KCTD8: variants seen among roughly 807,000 people sequenced by gnomAD.
KCTD8 encodes the protein BTB/POZ domain-containing protein KCTD8.
In KCTD8, 27 loss-of-function variants were observed where a neutral mutation model predicts 31.5. The ratio of observed to expected loss-of-function variants is 0.86; its 90% CI spans 0.63 to 1.18. KCTD8 has a LOEUF of 1.18. Ranked by LOEUF, KCTD8 falls within the 50% of genes most tolerant of loss-of-function variation. KCTD8 has a pLI of 0.00. For synonymous variants in KCTD8, 290 were observed against 280.0 expected (o/e 1.04, Z -0.36); for missense variants, 658 against 647.7 (o/e 1.02, Z -0.17).
At chr4:44,266,903 A>C in intron 1 of KCTD8, among the ~76,000 whole-genome samples, 1 of 151,650 alleles carries the variant, frequency 6.6e-6, no homozygotes, top group African/African-American at 2.4e-5. Context: ...GCAAGTCCTG[A>C]GTGACCTACA....
At chr4:44,336,777 T>G (rs1201457616) in intron 1 of KCTD8, among the ~76,000 whole-genome samples, 2 of 152,062 alleles carry the variant, frequency 1.3e-5, no homozygotes, top group South Asian at 2.1e-4. Flanking sequence ...AAACAATAAA[T>G]GTATGATATC....
At chr4:44,236,469 TG>T (rs5857953) in intron 1 of KCTD8, among the ~76,000 whole-genome samples, 37,277 of 152,048 alleles carry the variant, frequency 0.25, 4,717 homozygotes, top group South Asian at 0.32. Flanking sequence ...AGTTCAGTTT[TG>T]GAAGGTGTAT....
At chr4:44,232,223 C>T (rs943050579) in intron 1 of KCTD8, among the ~76,000 whole-genome samples, 1 of 152,028 alleles carries the variant, frequency 6.6e-6, no homozygotes, top group African/African-American at 2.4e-5. Flanking sequence ...AACAGTCCTG[C>T]CTTTCTCTCT....
intron 1 of KCTD8, among the ~76,000 whole-genome samples, chr4:44,343,097 T>C (rs1240853923): frequency 6.6e-6 from 1 of 152,256 alleles, no homozygotes; most frequent in Non-Finnish European, 1.5e-5. Flanking sequence ...CACTCACAAA[T>C]TGGCTGTTTG....
chr4:44,417,450 C>A (rs987020730), intron 1 of KCTD8, among the ~76,000 whole-genome samples: 29 of 151,874 alleles, frequency 1.9e-4, no homozygotes, highest in Middle Eastern at 3.2e-3. Flanking sequence ...ATACCATCCA[C>A]TCTAGTAATG....
intron 1 of KCTD8, among the ~76,000 whole-genome samples, chr4:44,316,827 G>GAAAA (rs1718130826): frequency 1.3e-5 from 1 of 79,172 alleles, no homozygotes; most frequent in East Asian, 3.9e-4. Flanking sequence ...AAAAAAAGAA[G>GAAAA]ATAAGCCGAG....
intron 1 of KCTD8, among the ~76,000 whole-genome samples, chr4:44,317,134 T>A (rs563553034): frequency 1.3e-5 from 2 of 151,742 alleles, no homozygotes; most frequent in East Asian, 3.9e-4. Context: ...TTTTTTGTTG[T>A]TTTATGAGTC....
At position 44,447,975 on chromosome 4, in the gene KCTD8, C is replaced by A; in HGVS notation, c.549G>T (p.Ala183=). The A allele has an allele frequency of 6.5e-7, 1 of 1,534,264 alleles. No homozygotes were observed. Among genetic ancestry groups the A allele is most frequent in the African/African-American group, 1.4e-5 (1 of 71,896 alleles). Residue 183 remains alanine (A), a synonymous_variant, in exon 1 of 2, where the codon GCG becomes GCT. Coordinates refer to ENST00000360029, the MANE Select transcript of KCTD8 (RefSeq NM_198353.3). ...CTCCCGGGCCCGAGGGCACGGCGGC[C>A]GCCGCCCCGCGCAGCAGCAGCGCGT... ...SSDALLLRGA[A]AAVPSGPGAH...
rs1033365594 is a variant in KCTD8, at chr4:44,448,635, G to C, written c.-112C>G. The C allele has an allele frequency of 1.4e-4, 166 of 1,175,630 alleles. No homozygotes were observed. In the East Asian group the frequency reaches 5.2e-3, roughly 37 times the overall value. 72.8% of individuals were successfully genotyped at this position (1,175,630 alleles called of 1,614,324 possible). A position where few individuals can be genotyped will look rare whatever the true frequency, so the allele number is the denominator to read the frequency against. On this transcript the variant is annotated 5_prime_UTR_variant, in exon 1 of 2. Transcript: ENST00000360029. This position sits in a 1 kb window ranked among gnomAD's most constrained non-coding sequence, Gnocchi z 4.1. ...GCGCTCTGCGCCCTCGGACTGGGCGGCGCGTTCCTCCGACCGGGGCGGCCC... is the reference window on the plus strand; with the variant it reads ...GCGCTCTGCGCCCTCGGACTGGGCGCCGCGTTCCTCCGACCGGGGCGGCCC...
chr4:44,209,356 C>G (rs17460435), intron 1 of KCTD8, among the ~76,000 whole-genome samples: 4,728 of 152,080 alleles, frequency 0.031, 102 homozygotes, highest in Middle Eastern at 0.051. Flanking sequence ...TTTATTTCAC[C>G]CTATTGAACT....
chr4:44,330,277 G>T (rs958447708), intron 1 of KCTD8, among the ~76,000 whole-genome samples: 1 of 151,720 alleles, frequency 6.6e-6, no homozygotes. Flanking sequence ...AATTATACCT[G>T]CATTGACTAT....
Position 44,273,621 on chromosome 4 carries a change from T to A in KCTD8, c.962-98371A>T, listed in dbSNP as rs559997465. On this transcript the variant is annotated intron_variant, in intron 1 of 1. Coordinates refer to ENST00000360029, the MANE Select transcript of KCTD8 (RefSeq NM_198353.3). The stretch of plus-strand genomic sequence containing the variant: ...ATTTTCCTAAATTAAATTGCCAGAA[T>A]ACTTTATAAATGGTCATTTCCTAAT... Among the ~76,000 whole-genome samples the A allele has an allele frequency of 2.2e-4, 34 of 152,080 alleles. No individual in the cohort carries two copies. In the South Asian group the frequency reaches 5.2e-3, roughly 23 times the overall value.
intron 1 of KCTD8, among the ~76,000 whole-genome samples, chr4:44,232,876 A>T (rs1429359494): frequency 6.6e-6 from 1 of 152,044 alleles, no homozygotes; most frequent in African/African-American, 2.4e-5. Flanking sequence ...TGTGGACATA[A>T]ATGATGAAAC....
At chr4:44,382,654 C>T (rs899759108) in intron 1 of KCTD8, among the ~76,000 whole-genome samples, 9 of 150,912 alleles carry the variant, frequency 6.0e-5, no homozygotes, top group East Asian at 2.0e-4. Context: ...CGTTTGAACT[C>T]GGGAGGTGGA....
intron 1 of KCTD8, among the ~76,000 whole-genome samples, chr4:44,205,459 A>G (rs1714275629): frequency 6.6e-6 from 1 of 152,234 alleles, no homozygotes; most frequent in African/African-American, 2.4e-5. Context: ...CATCACATAC[A>G]AAAATATATG....
At chr4:44,196,799 T>C (rs535033761) in intron 1 of KCTD8, among the ~76,000 whole-genome samples, 16 of 152,244 alleles carry the variant, frequency 1.1e-4, no homozygotes, top group East Asian at 1.9e-4. Context: ...TAGACTGATA[T>C]GGAGAGCCAC....
intron 1 of KCTD8, among the ~76,000 whole-genome samples, chr4:44,228,751 A>C (rs1019261088): frequency 6.6e-6 from 1 of 152,032 alleles, no homozygotes; most frequent in African/African-American, 2.4e-5. Context: ...TATAACCTCC[A>C]TTAAAACAGG....
intron 1 of KCTD8, among the ~76,000 whole-genome samples, chr4:44,436,156 TA>T (rs1232971893): frequency 6.6e-6 from 1 of 152,076 alleles, no homozygotes; most frequent in African/African-American, 2.4e-5. Flanking sequence ...GAATCACCTA[TA>T]AATAGTCTTG....
chr4:44,385,629 C>G (rs1484233161), intron 1 of KCTD8, among the ~76,000 whole-genome samples: 1 of 151,476 alleles, frequency 6.6e-6, no homozygotes, highest in Non-Finnish European at 1.5e-5. Context: ...CTTCATGGCA[C>G]TGGATTTAAT....
Sources: gnomAD v4.1 joint callset for allele counts (sites outside exome capture counted in the v4.1 genomes callset) on GRCh38, gnomAD v4.1.1 for gene constraint, Gnocchi (gnomAD v3.1) non-coding constraint, MANE v1.5 for transcripts, NCBI Gene and HGNC (gene_info 2026-07-23, HGNC 2026-07-21) for gene names.